AGBL1: variants seen among roughly 807,000 people sequenced by gnomAD.
AGBL1 encodes AGBL carboxypeptidase 1, also known as cytosolic carboxypeptidase 4.
In AGBL1, 130 loss-of-function variants were observed where a neutral mutation model predicts 118.9. The observed-to-expected ratio is 1.09, with a 90% CI of 0.95 to 1.26. The LOEUF (loss-of-function observed/expected upper bound fraction) is 1.26. AGBL1 is among the 50% of genes most tolerant of loss of function. The probability of loss-of-function intolerance (pLI) is 0.00; values close to 1 mark genes in which losing one functional copy is unlikely to be tolerated. For missense variants in AGBL1, 1,584 were observed against 1,298.1 expected, an observed-to-expected ratio of 1.22 and a Z score of -3.38; for synonymous variants, 555 against 478.9, an observed-to-expected ratio of 1.16 and a Z score of -2.08.
At chr15:86,229,054 T>G (rs1474346132) in intron 6 of AGBL1, among the ~76,000 whole-genome samples, 1 of 152,242 alleles carries the variant, frequency 6.6e-6, no homozygotes, top group African/African-American at 2.4e-5. Flanking sequence ...TGCCTTTTTA[T>G]GCTTTATCCT....
At chr15:86,811,803 C>T (rs569702813) in intron 22 of AGBL1, among the ~76,000 whole-genome samples, 4 of 152,270 alleles carry the variant, frequency 2.6e-5, no homozygotes, top group African/African-American at 9.6e-5. Context: ...CACAGTAACA[C>T]CTGTCAATAA....
chr15:86,282,039 T>C (rs2079363000), intron 16 of AGBL1, among the ~76,000 whole-genome samples: 2 of 152,224 alleles, frequency 1.3e-5, no homozygotes, highest in African/African-American at 4.8e-5. Context: ...ATTCAAATTG[T>C]GTACCCCTTT....
intron 24 of AGBL1, among the ~76,000 whole-genome samples, chr15:87,013,718 C>T (rs375862482): frequency 6.6e-6 from 1 of 152,054 alleles, no homozygotes; most frequent in Non-Finnish European, 1.5e-5. Flanking sequence ...ATGAGGTTAC[C>T]CGACTGAAGA....
chr15:86,700,917 C>G (rs2086347126), intron 22 of AGBL1, among the ~76,000 whole-genome samples: 1 of 152,172 alleles, frequency 6.6e-6, no homozygotes, highest in African/African-American at 2.4e-5. Context: ...CCCCAAGAGA[C>G]AGTCAGAGTC....
rs541269996 is a variant in AGBL1, at chr15:86,563,730, G to T, written c.2994+9193G>T. Among the ~76,000 whole-genome samples, 11 of 152,208 alleles carry T rather than the reference G, an allele frequency of 7.2e-5. No homozygotes were observed. In the South Asian group the frequency reaches 1.7e-3, roughly 23 times the overall value. On this transcript the variant is annotated intron_variant, in intron 21 of 22. Coordinates refer to ENST00000614907, the MANE Select transcript of AGBL1 (RefSeq NM_001386094.1). ...TGGTCTGTCTAATGTTGACAGTGGG[G>T]TGTTAAAGTCTCCCATAATTATTAT... is the stretch of plus-strand genomic sequence containing the variant.
chr15:86,584,384 A>G (rs569233521), intron 21 of AGBL1, among the ~76,000 whole-genome samples: 67 of 152,230 alleles, frequency 4.4e-4, no homozygotes, highest in African/African-American at 1.5e-3. Context: ...GTATGGGTCT[A>G]GTTTCATTTT....
At chr15:86,919,299 T>C (rs923361931), downstream of AGBL1, among the ~76,000 whole-genome samples, 2 of 152,224 alleles carry the variant, frequency 1.3e-5, no homozygotes, top group Non-Finnish European at 2.9e-5. Flanking sequence ...CTGTCTCTGT[T>C]GAAATAGATT....
At chr15:86,309,084 C>T (rs2079883164) in intron 17 of AGBL1, among the ~76,000 whole-genome samples, 1 of 152,092 alleles carries the variant, frequency 6.6e-6, no homozygotes, top group African/African-American at 2.4e-5. Flanking sequence ...TATGTGTCTT[C>T]TTCAATTTAT....
Position 86,086,018 on chromosome 15 carries a change from C to T in AGBL1, c.51+5995C>T, listed in dbSNP as rs138341492. 5.9e-5 allele frequency among the ~76,000 whole-genome samples: 9 copies of T among 152,296 alleles called. No homozygotes were observed. In the East Asian group the frequency reaches 1.7e-3, roughly 29 times the overall value. On this transcript the variant is annotated intron_variant, in intron 1 of 22. Transcript: ENST00000614907. ...GAGGGTGGACAGGGGACCAGTGGTG[C>T]TTTGAGGTGTAATTGGAAATGCAGT...
intron 21 of AGBL1, among the ~76,000 whole-genome samples, chr15:86,560,145 T>A (rs927845430): frequency 2.2e-5 from 3 of 135,004 alleles, no homozygotes; most frequent in Non-Finnish European, 4.5e-5. Context: ...TTTCTTGTAC[T>A]TTTTTTTTTA....
In AGBL1 at chr15:86,624,956, C is replaced by G. The variant is rs117212120; in HGVS notation, c.2995-49317C>G. Among the ~76,000 whole-genome samples, 967 of 152,260 alleles carry G rather than the reference C, an allele frequency of 6.4e-3. 13 individuals are homozygous for G. The highest frequency in any genetic ancestry group is 6.3e-3 in the Non-Finnish European group (430 of 68,018). ...AATGCCTTCAGAGCTGCTTACCAGG[C>G]TCTGTGTGGCTCTTGGTCTAACGGA... On this transcript the variant is annotated intron_variant, in intron 21 of 22. Transcript: ENST00000614907.
chr15:86,570,643 T>G (rs911014452), intron 21 of AGBL1, among the ~76,000 whole-genome samples: 1 of 152,206 alleles, frequency 6.6e-6, no homozygotes, highest in African/African-American at 2.4e-5. Context: ...TCCAGCACCA[T>G]GTTGGATCTA....
At chr15:86,444,807 T>A (rs2082102635) in intron 18 of AGBL1, among the ~76,000 whole-genome samples, 1 of 152,042 alleles carries the variant, frequency 6.6e-6, no homozygotes, top group Admixed American at 6.6e-5. Context: ...GCCTTCACAG[T>A]CCCATGACAA....
intron 23 of AGBL1, among the ~76,000 whole-genome samples, chr15:86,986,835 A>G (rs922461970): frequency 1.3e-5 from 2 of 152,214 alleles, no homozygotes; most frequent in Non-Finnish European, 2.9e-5. Context: ...ACCACCAAAC[A>G]GGCTTTGTGT....
In AGBL1 at chr15:87,011,274, T is replaced by C. The variant is rs761392643; in HGVS notation, c.3324-17551T>C. ...GAGCCTGAGTACCTGAATGGTTGCATGGAGAAGAGGCCCACTCCCACACTA... is the reference window on the plus strand; with the variant it reads ...GAGCCTGAGTACCTGAATGGTTGCACGGAGAAGAGGCCCACTCCCACACTA... On this transcript the variant is annotated intron_variant, in intron 24 of 24. Transcript: ENST00000441037. 3.1e-4 allele frequency among the ~76,000 whole-genome samples: 47 copies of C among 152,164 alleles called. 1 individual carries two copies. The highest frequency in any genetic ancestry group is 5.9e-4 in the Non-Finnish European group (40 of 68,030).
chr15:86,714,490 G>A (rs754272508), intron 22 of AGBL1, among the ~76,000 whole-genome samples: 2 of 152,210 alleles, frequency 1.3e-5, no homozygotes, highest in Non-Finnish European at 2.9e-5. Flanking sequence ...AAAGCCATGT[G>A]TGTGTGCAGA....
chr15:86,134,836 A>G (rs1371851122), intron 1 of AGBL1, among the ~76,000 whole-genome samples: 1 of 151,022 alleles, frequency 6.6e-6, no homozygotes, highest in Non-Finnish European at 1.5e-5. Flanking sequence ...GATGGTCTCG[A>G]TCTCCTGACC....
intron 5 of AGBL1, among the ~76,000 whole-genome samples, chr15:86,202,254 C>T (rs1288277507): frequency 6.6e-6 from 1 of 152,162 alleles, no homozygotes; most frequent in East Asian, 1.9e-4. Context: ...GACTGTGCCA[C>T]TACACTTCAG....
At chr15:86,604,014 C>T (rs1168134245) in intron 21 of AGBL1, among the ~76,000 whole-genome samples, 1 of 152,114 alleles carries the variant, frequency 6.6e-6, no homozygotes, top group African/African-American at 2.4e-5. Flanking sequence ...CTTTAAGATT[C>T]ACACAATGTG....
Sources: allele counts gnomAD v4.1 joint callset (sites outside exome capture counted in the v4.1 genomes callset), GRCh38; gene constraint gnomAD v4.1.1; transcripts MANE v1.5; gene names NCBI Gene and HGNC (gene_info 2026-07-23, HGNC 2026-07-21).